PTK2: variants seen among roughly 807,000 people sequenced by gnomAD.
PTK2 encodes protein tyrosine kinase 2, also known as focal adhesion kinase 1.
Under a neutral mutation model 150.1 loss-of-function variants are expected in PTK2, and 45 were observed. That is an observed-to-expected ratio of 0.30 (90% CI 0.24 to 0.38). The LOEUF (loss-of-function observed/expected upper bound fraction) is 0.38, where lower values mean the gene tolerates loss of function less well. PTK2 is among the 10% of genes least tolerant of loss of function. The probability of loss-of-function intolerance (pLI) is 1.00; values close to 1 mark genes in which losing one functional copy is unlikely to be tolerated. For synonymous variants in PTK2, 432 were observed against 449.2 expected (o/e 0.96, Z 0.48); for missense variants, 919 against 1,307.3 (o/e 0.70, Z 4.58).
chr8:140,860,626 C>G (rs995390380), intron 5 of PTK2, among the ~76,000 whole-genome samples: 1 of 152,190 alleles, frequency 6.6e-6, no homozygotes, highest in Non-Finnish European at 1.5e-5. Flanking sequence ...GTGTGTACCA[C>G]CATGCTCTGC....
intron 4 of PTK2, among the ~76,000 whole-genome samples, chr8:140,876,753 A>T (rs1163837702): frequency 6.6e-6 from 1 of 151,334 alleles, no homozygotes; most frequent in Non-Finnish European, 1.5e-5. Context: ...GTTCTGGAAA[A>T]TTTTTTCTCT....
chr8:140,953,032 T>C (rs1196430858), intron 1 of PTK2, among the ~76,000 whole-genome samples: 1 of 152,204 alleles, frequency 6.6e-6, no homozygotes, highest in African/African-American at 2.4e-5. Flanking sequence ...AATAATCCCC[T>C]TTGTCAGATT....
chr8:140,897,435 C>T (rs975813023), intron 2 of PTK2, among the ~76,000 whole-genome samples: 3 of 152,106 alleles, frequency 2.0e-5, no homozygotes, highest in African/African-American at 7.2e-5. Flanking sequence ...AAAATCTGAT[C>T]TGTGCTATAA....
rs572201843 is a variant in PTK2 at position 140,739,114 on chromosome 8, G to C, written c.1736-7C>G. On this transcript the variant is annotated splice_polypyrimidine_tract_variant and splice_region_variant and intron_variant, in intron 20 of 31. Coordinates refer to ENST00000522684, the Ensembl canonical transcript of PTK2. ...GGCAATTTTCCTTTGGAAGCTAGAA[G>C]ATTAATTTTAGAAAATAAATTTTCC... 5.3e-6 allele frequency: 8 copies of C among 1,518,232 alleles called. No individual in the cohort carries two copies. Among genetic ancestry groups the C allele is most frequent in the Non-Finnish European group, 6.2e-6 (7 of 1,126,612 alleles). 94.0% of individuals were successfully genotyped at this position (1,518,232 alleles called of 1,614,324 possible).
intron 8 of PTK2, among the ~76,000 whole-genome samples, chr8:140,819,771 CGATGCT>C (rs1199661905): frequency 1.3e-5 from 2 of 152,190 alleles, no homozygotes; most frequent in Non-Finnish European, 2.9e-5. Context: ...GATAAAGCAA[CGATGCT>C]TTTGCTTTTT....
intron 2 of PTK2, among the ~76,000 whole-genome samples, chr8:140,892,998 G>T (rs2100154733): frequency 6.6e-6 from 1 of 152,190 alleles, no homozygotes; most frequent in Admixed American, 6.5e-5. Flanking sequence ...TTTCTAGGTA[G>T]ACATATGCCC....
intron 1 of PTK2, chr8:140,934,559 G>A (rs927376784): frequency 4.6e-5 from 7 of 151,878 alleles, no homozygotes; most frequent in African/African-American, 1.5e-4. Context: ...TAAAATTTAC[G>A]TCACGCCTCT....
intron 8 of PTK2, among the ~76,000 whole-genome samples, chr8:140,828,246 C>A (rs2100113121): frequency 6.6e-6 from 1 of 151,730 alleles, no homozygotes. Context: ...GAGTATTTTG[C>A]CATTTCCACT....
intron 22 of PTK2, among the ~76,000 whole-genome samples, chr8:140,733,009 C>CT (rs1366152105): frequency 6.6e-6 from 1 of 152,170 alleles, no homozygotes; most frequent in Non-Finnish European, 1.5e-5. Context: ...CTGTGGAAGC[C>CT]TTTACCCAAA....
chr8:140,698,421 A>C (rs1021481190), intron 26 of PTK2, among the ~76,000 whole-genome samples: 1 of 152,238 alleles, frequency 6.6e-6, no homozygotes, highest in African/African-American at 2.4e-5. Flanking sequence ...TATCCAAATT[A>C]ATTCACTCAG....
chr8:140,830,381 A>G, intron 8 of PTK2, 91 bp downstream of exon 8: 3 of 779,342 alleles, frequency 3.8e-6, no homozygotes, highest in Non-Finnish European at 6.2e-6. Context: ...GAAGGAAACT[A>G]CATTTTACTT....
chr8:140,743,138 C>G (rs1363539439), intron 20 of PTK2, 92 bp downstream of exon 23: 1 of 824,740 alleles, frequency 1.2e-6, no homozygotes, highest in Non-Finnish European at 1.9e-6. Flanking sequence ...ATATCTCTGT[C>G]AAAGATCAGG....
chr8:140,825,641 T>C (rs1242674913), intron 8 of PTK2, among the ~76,000 whole-genome samples: 1 of 152,244 alleles, frequency 6.6e-6, no homozygotes, highest in East Asian at 1.9e-4. Context: ...TGGTACCCAC[T>C]GGTAGGACAA....
chr8:140,868,414 G>A (rs1034886815), intron 4 of PTK2, among the ~76,000 whole-genome samples: 3 of 152,198 alleles, frequency 2.0e-5, no homozygotes, highest in Non-Finnish European at 4.4e-5. Context: ...AATAATCACT[G>A]CAAGACAGAA....
chr8:140,753,009 C>T (rs1215959013), intron 16 of PTK2, among the ~76,000 whole-genome samples: 3 of 152,230 alleles, frequency 2.0e-5, no homozygotes, highest in African/African-American at 7.2e-5. Context: ...GCGACTTTTA[C>T]TCAAGTGAAA....
intron 4 of PTK2, among the ~76,000 whole-genome samples, chr8:140,871,980 G>A (rs1436295503): frequency 6.6e-6 from 1 of 152,086 alleles, no homozygotes; most frequent in Non-Finnish European, 1.5e-5. Flanking sequence ...AGGCCAAGGT[G>A]GGCAGATCAT....
intron 1 of PTK2, among the ~76,000 whole-genome samples, chr8:140,970,581 G>T (rs902469247): frequency 1.3e-5 from 2 of 152,208 alleles, no homozygotes; most frequent in African/African-American, 4.8e-5. Context: ...AATCTGCCAA[G>T]AAACTGTCCA....
intron 1 of PTK2, among the ~76,000 whole-genome samples, chr8:140,999,667 CA>C (rs796835033): frequency 5.9e-5 from 9 of 152,304 alleles, no homozygotes; most frequent in African/African-American, 2.2e-4. Context: ...GCTTGCATCG[CA>C]CTGCTCATAA....
At chr8:140,756,322 C>CAA (rs575587628) in intron 16 of PTK2, among the ~76,000 whole-genome samples, 49 of 91,386 alleles carry the variant, frequency 5.4e-4, no homozygotes, top group African/African-American at 1.4e-3. Context: ...GGCTCCATCT[C>CAA]AAAAAAAAAA....
Sources: allele counts gnomAD v4.1 joint callset (sites outside exome capture counted in the v4.1 genomes callset), GRCh38; gene constraint gnomAD v4.1.1; transcripts MANE v1.5; gene names NCBI Gene and HGNC (gene_info 2026-07-23, HGNC 2026-07-21).